Variants in AUNIP observed in about 807,000 individuals in gnomAD.
AUNIP encodes the protein aurora kinase A and ninein interacting protein.
Under a neutral mutation model 12.2 loss-of-function variants are expected in AUNIP, and 16 were observed. The ratio of observed to expected loss-of-function variants is 1.31; its 90% confidence interval spans 0.88 to 1.99. The LOEUF (loss-of-function observed/expected upper bound fraction) is 1.99, where lower values mean the gene tolerates loss of function less well. AUNIP is among the 30% of genes most tolerant of loss of function. The probability of loss-of-function intolerance (pLI) is 0.00; values close to 1 mark genes in which losing one functional copy is unlikely to be tolerated. For missense variants in AUNIP, 411 were observed against 419.1 expected, an observed-to-expected ratio of 0.98 and a Z score of 0.17; for synonymous variants, 142 against 154.8, an observed-to-expected ratio of 0.92 and a Z score of 0.61.
Position 25,847,289 on chromosome 1 carries a change from T to C in AUNIP, c.79-9735A>G, listed in dbSNP as rs2048390282. 6.6e-6 allele frequency among the ~76,000 whole-genome samples: 1 copy of C among 151,548 alleles called. No individual in the cohort carries two copies. The highest frequency in any genetic ancestry group is 1.5e-5 in the Non-Finnish European group (1 of 67,892). ...TGTTTTGTTTTTTTTTGAGACGGAGTCTCACTCTGTCACCGAGGCTGGACT... is the reference window on the plus strand; with the variant it reads ...TGTTTTGTTTTTTTTTGAGACGGAGCCTCACTCTGTCACCGAGGCTGGACT... On this transcript the variant is annotated intron_variant, in intron 1 of 2. Transcript: ENST00000374298. This position sits in a 1 kb window ranked among gnomAD's most constrained non-coding sequence, Gnocchi z 4.2.
rs1158529146 is a variant in AUNIP at position 25,835,028 on chromosome 1, A to G, written c.1039T>C (p.Ser347Pro). Residue 347 changes from serine (S) to proline (P), a missense_variant, in exon 3 of 3, where the codon TCT (serine) becomes CCT (proline). Coordinates refer to ENST00000374298, the MANE Select transcript of AUNIP (RefSeq NM_024037.3). Reference protein sequence around the residue: ...LKPDLLFTQDSEGNQVIRHQF With the variant: ...LKPDLLFTQDPEGNQVIRHQF ...TGTCTGATAACTTGATTACCTTCAG[A>G]GTCCTGGGTAAAGAGCAAATCAGGC... The G allele has an allele frequency of 1.2e-6, 2 of 1,613,306 alleles. No individual in the cohort carries two copies. Among genetic ancestry groups the G allele is most frequent in the Non-Finnish European group, 1.7e-6 (2 of 1,179,748 alleles).
At chr1:25,858,653 GGTTA>G (rs1398412979) in intron 1 of AUNIP, among the ~76,000 whole-genome samples, 1 of 152,204 alleles carries the variant, frequency 6.6e-6, no homozygotes, top group African/African-American at 2.4e-5. Flanking sequence ...GGCGGGCCTA[GGTTA>G]GTTACTGAAC....
In AUNIP at chr1:25,847,637, G is replaced by C. The variant is rs2565032; in HGVS notation, c.79-10083C>G. On this transcript the variant is annotated intron_variant, in intron 1 of 2. Coordinates refer to ENST00000374298, the MANE Select transcript of AUNIP (RefSeq NM_024037.3). This position sits in a 1 kb window ranked among gnomAD's most constrained non-coding sequence, Gnocchi z 4.2. The stretch of plus-strand genomic sequence containing the variant: ...TTGAGCGTACCTATACTTTTATATA[G>C]AGAGAGACTAATAAACCAAAATAAA... 1.3e-5 allele frequency among the ~76,000 whole-genome samples: 2 copies of C among 151,716 alleles called. No homozygotes were observed. Among genetic ancestry groups the C allele is most frequent in the Non-Finnish European group, 2.9e-5 (2 of 67,936 alleles).
downstream of AUNIP, chr1:25,831,975 A>C: frequency 6.2e-7 from 1 of 1,614,214 alleles, no homozygotes; most frequent in Non-Finnish European, 8.5e-7. Flanking sequence ...CTGAGGTCCT[A>C]AGGAGGAAGT....
chr1:25,832,333 G>A (rs909782300), downstream of AUNIP: 24 of 687,556 alleles, frequency 3.5e-5, no homozygotes, highest in Non-Finnish European at 5.1e-5. Context: ...TGTGAAAATA[G>A]GTCCTAAATG....
intron 1 of AUNIP, among the ~76,000 whole-genome samples, chr1:25,837,978 C>T (rs1406739897): frequency 6.6e-6 from 1 of 152,038 alleles, no homozygotes; most frequent in Non-Finnish European, 1.5e-5. Flanking sequence ...CGGTGGCTCA[C>T]GCCTGTAATC....
At chr1:25,839,347 AC>A (rs2048332844) in intron 1 of AUNIP, among the ~76,000 whole-genome samples, 1 of 152,220 alleles carries the variant, frequency 6.6e-6, no homozygotes, top group South Asian at 2.1e-4. Context: ...TTAGTCCATT[AC>A]TGAATACTAA....
rs537899381 is a variant in AUNIP, at chr1:25,856,478, C to T, written c.78+2802G>A. ...ATCACCTCAGGTTGGGAGTTCAAGA[C>T]CAGCCTAACCAACATGGAGAAACCC... is the stretch of plus-strand genomic sequence containing the variant. On this transcript the variant is annotated intron_variant, in intron 1 of 2. Coordinates refer to ENST00000374298, the MANE Select transcript of AUNIP (RefSeq NM_024037.3). 3.9e-5 allele frequency among the ~76,000 whole-genome samples: 6 copies of T among 151,930 alleles called. No individual in the cohort carries two copies. In the East Asian group the frequency reaches 9.7e-4, roughly 25 times the overall value.
chr1:25,851,975 C>T lies in AUNIP; in HGVS notation c.78+7305G>A, dbSNP rs2048426567. On this transcript the variant is annotated intron_variant, in intron 1 of 2. Coordinates refer to ENST00000374298, the MANE Select transcript of AUNIP (RefSeq NM_024037.3). ...CCTCTTGCTGACTGACTGATTGAGA[C>T]AGGGTGTCACTCTCTTACCCAGGCT... is the stretch of plus-strand genomic sequence containing the variant. Among the ~76,000 whole-genome samples the T allele has an allele frequency of 2.0e-5, 3 of 152,034 alleles. No homozygotes were observed. In the South Asian group the frequency reaches 6.2e-4, roughly 32 times the overall value.
chr1:25,834,024 T>G lies in AUNIP; in HGVS notation c.*969A>C. On this transcript the variant is annotated 3_prime_UTR_variant, in exon 3 of 3. Coordinates refer to ENST00000374298, the MANE Select transcript of AUNIP (RefSeq NM_024037.3). ...CAAGAGCCACTTTGTAAACATTTATTTGGATTCATAGTTTTACAAAGGGGA... is the reference window on the plus strand; with the variant it reads ...CAAGAGCCACTTTGTAAACATTTATGTGGATTCATAGTTTTACAAAGGGGA... 1.0e-6 allele frequency: 1 copy of G among 984,594 alleles called. No individual in the cohort carries two copies. 61.0% of individuals were successfully genotyped at this position (984,594 alleles called of 1,614,324 possible). A position where few individuals can be genotyped will look rare whatever the true frequency, so the allele number is the denominator to read the frequency against.
intron 1 of AUNIP, among the ~76,000 whole-genome samples, chr1:25,838,632 A>G (rs932418919): frequency 1.3e-5 from 2 of 152,258 alleles, no homozygotes; most frequent in Non-Finnish European, 2.9e-5. Flanking sequence ...GAACAGCACC[A>G]GTCTCACTAC....
chr1:25,852,526 G>A (rs1255646669), intron 1 of AUNIP, among the ~76,000 whole-genome samples: 1 of 143,040 alleles, frequency 7.0e-6, no homozygotes, highest in Non-Finnish European at 1.5e-5. Flanking sequence ...TGCAACCTCC[G>A]CCTCCTGGGT....
chr1:25,856,239 C>A (rs923710966), intron 1 of AUNIP, among the ~76,000 whole-genome samples: 1 of 151,932 alleles, frequency 6.6e-6, no homozygotes, highest in South Asian at 2.1e-4. Flanking sequence ...GTGGCACACG[C>A]CTGTAATCCC....
chr1:25,833,472 G>T (rs1409370669), downstream of AUNIP, among the ~76,000 whole-genome samples: 1 of 151,976 alleles, frequency 6.6e-6, no homozygotes, highest in South Asian at 2.1e-4. Flanking sequence ...TGACATACAC[G>T]ATAAAAGTAG....
At chr1:25,843,567 G>A (rs2124503529) in intron 1 of AUNIP, among the ~76,000 whole-genome samples, 1 of 135,900 alleles carries the variant, frequency 7.4e-6, no homozygotes, top group Non-Finnish European at 1.5e-5. Context: ...GATCAGCCTG[G>A]GCAAAATAGT....
At chr1:25,856,133 G>C (rs1488583238) in intron 1 of AUNIP, among the ~76,000 whole-genome samples, 1 of 152,156 alleles carries the variant, frequency 6.6e-6, no homozygotes, top group Non-Finnish European at 1.5e-5. Flanking sequence ...GGGAGGCTGA[G>C]GCAGGTGGAT....
chr1:25,845,069 T>C (rs1346795968), intron 1 of AUNIP, among the ~76,000 whole-genome samples: 1 of 152,204 alleles, frequency 6.6e-6, no homozygotes, highest in Non-Finnish European at 1.5e-5. Flanking sequence ...CAAGTATTCA[T>C]TCAAAACTTG....
intron 1 of AUNIP, among the ~76,000 whole-genome samples, chr1:25,843,851 TAATA>T: frequency 7.1e-6 from 1 of 140,392 alleles, no homozygotes. Flanking sequence ...AAATTGCGTC[TAATA>T]GATAAGCAAA....
chr1:25,850,002 T>A lies in AUNIP; in HGVS notation c.78+9278A>T, dbSNP rs1459981755. On this transcript the variant is annotated intron_variant, in intron 1 of 2. Transcript: ENST00000374298. ...TGATGACTACTTGGATTGTTTCCAC[T>A]TTTTGGCTATTATGAGAAACGCTGC... Among the ~76,000 whole-genome samples, 4 of 152,142 alleles carry A rather than the reference T, an allele frequency of 2.6e-5. No homozygotes were observed. In the East Asian group the frequency reaches 7.7e-4, roughly 29 times the overall value.
Sources: allele counts gnomAD v4.1 joint callset (sites outside exome capture counted in the v4.1 genomes callset), GRCh38; gene constraint gnomAD v4.1.1; non-coding constraint Gnocchi (gnomAD v3.1); transcripts MANE v1.5; gene names NCBI Gene and HGNC (gene_info 2026-07-23, HGNC 2026-07-21).